The following TRPM3 variants were observed in gnomAD, a reference collection of about 807,000 sequenced individuals.
The protein encoded by TRPM3 is long transient receptor potential channel 3.
A neutral mutation model predicts 181.2 loss-of-function variants in TRPM3; 77 were observed. That is an observed-to-expected ratio of 0.42 (90% CI 0.35 to 0.51). The LOEUF (loss-of-function observed/expected upper bound fraction) is 0.51, where lower values mean the gene tolerates loss of function less well. Ranked by LOEUF, TRPM3 falls within the 20% of genes least tolerant of loss-of-function variation. TRPM3 has a pLI of 0.01. For missense variants in TRPM3, 1,759 were observed against 2,196.7 expected, an observed-to-expected ratio of 0.80 and a Z score of 3.98; for synonymous variants, 745 against 796.4, an observed-to-expected ratio of 0.94 and a Z score of 1.09.
chr9:71,194,285 T>G (rs778293669), intron 1 of TRPM3, among the ~76,000 whole-genome samples: 5 of 151,962 alleles, frequency 3.3e-5, no homozygotes, highest in Non-Finnish European at 5.9e-5. Context: ...AATAGGTATA[T>G]GGCAACCAGG....
At chr9:71,378,123 A>G (rs1006614979) in intron 1 of TRPM3, among the ~76,000 whole-genome samples, 2 of 152,166 alleles carry the variant, frequency 1.3e-5, no homozygotes, top group East Asian at 3.8e-4. Context: ...GTTTAAAAAA[A>G]GACAACCCTA....
In TRPM3 at chr9:70,957,957, C is replaced by T. The variant is rs115556071; in HGVS notation, c.178-93446G>A. The stretch of plus-strand genomic sequence containing the variant: ...TTTGGAACCTACTTCCCTGGACATA[C>T]GCTCTGAGTACAGAAAGAAGAGGCT... On this transcript the variant is annotated intron_variant, in intron 1 of 25. Transcript: ENST00000677713. 5.9e-3 allele frequency among the ~76,000 whole-genome samples: 893 copies of T among 152,298 alleles called. 10 individuals are homozygous for T. Among genetic ancestry groups the T allele is most frequent in the African/African-American group, 0.02 (852 of 41,572 alleles).
rs1297380908 is a variant in TRPM3 at position 71,012,419 on chromosome 9, T to A, written c.177+108759A>T. ...GAGCTTTATAGTTGTTTTTTTTTTT[T>A]AACATCTGGCAGAGTTAACCTTCCC... On this transcript the variant is annotated intron_variant, in intron 1 of 25. Transcript: ENST00000677713. Among the ~76,000 whole-genome samples, 14 of 151,906 alleles carry A rather than the reference T, an allele frequency of 9.2e-5. 1 individual carries two copies. The South Asian group carries it at 1.7e-3, about 18-fold the overall frequency.
intron 22 of TRPM3, among the ~76,000 whole-genome samples, chr9:70,585,359 C>T (rs1371154211): frequency 2.0e-5 from 3 of 152,112 alleles, no homozygotes; most frequent in African/African-American, 4.8e-5. Flanking sequence ...CGCTGGTAAG[C>T]TCACCCATCA....
At chr9:70,979,299 G>A (rs1014005428) in intron 1 of TRPM3, among the ~76,000 whole-genome samples, 4 of 152,098 alleles carry the variant, frequency 2.6e-5, no homozygotes, top group Non-Finnish European at 4.4e-5. Context: ...GATATTTATT[G>A]TTTGCCTATA....
At chr9:70,941,094 T>C (rs2096881584) in intron 1 of TRPM3, among the ~76,000 whole-genome samples, 1 of 152,166 alleles carries the variant, frequency 6.6e-6, no homozygotes, top group Non-Finnish European at 1.5e-5. Context: ...CTCAATTGGA[T>C]TGAAGGATGC....
At chr9:71,130,224 T>C (rs980086332) in intron 1 of TRPM3, among the ~76,000 whole-genome samples, 3 of 152,192 alleles carry the variant, frequency 2.0e-5, no homozygotes, top group African/African-American at 7.2e-5. Context: ...ATATATTATA[T>C]AAGGTTCAAA....
chr9:71,106,457 C>T (rs542448236), intron 1 of TRPM3, among the ~76,000 whole-genome samples: 2 of 152,214 alleles, frequency 1.3e-5, no homozygotes, highest in African/African-American at 2.4e-5. Flanking sequence ...CACTTTCTTG[C>T]TCCCTCTCTT....
intron 8 of TRPM3, chr9:70,761,363 T>C (rs1437490362): frequency 1.5e-6 from 1 of 653,688 alleles, no homozygotes; most frequent in East Asian, 2.7e-5. Flanking sequence ...AGCGTTTGGA[T>C]GAGCTCCAAA....
intron 6 of TRPM3, among the ~76,000 whole-genome samples, chr9:70,791,731 T>TA (rs1377624154): frequency 3.9e-5 from 6 of 152,136 alleles, no homozygotes; most frequent in Admixed American, 6.6e-5. Flanking sequence ...CACACAGTGA[T>TA]AAAAAATTGA....
intron 1 of TRPM3, among the ~76,000 whole-genome samples, chr9:71,351,490 A>G (rs1311322704): frequency 6.6e-6 from 1 of 152,264 alleles, no homozygotes; most frequent in Non-Finnish European, 1.5e-5. Flanking sequence ...ATGATTAGTG[A>G]AAGAATTTGA....
intron 1 of TRPM3, among the ~76,000 whole-genome samples, chr9:70,932,722 G>A (rs777186956): frequency 9.2e-5 from 14 of 152,164 alleles, no homozygotes; most frequent in Non-Finnish European, 1.5e-4. Context: ...CTCTACAGGA[G>A]TAGAAAGCCA....
chr9:70,968,790 G>A (rs1457175166), intron 1 of TRPM3, among the ~76,000 whole-genome samples: 1 of 151,980 alleles, frequency 6.6e-6, no homozygotes, highest in African/African-American at 2.4e-5. Context: ...AAACGGTGTT[G>A]GGAAAACTGG....
At chr9:70,693,813 T>TG (rs1292578505) in intron 8 of TRPM3, among the ~76,000 whole-genome samples, 2 of 152,208 alleles carry the variant, frequency 1.3e-5, no homozygotes, top group Admixed American at 6.5e-5. Context: ...TTATCTAACT[T>TG]GGGTGGGGCA....
rs574106909 is a variant in TRPM3 at position 71,271,547 on chromosome 9, T to C, written c.183+175106A>G. Among the ~76,000 whole-genome samples the C allele has an allele frequency of 3.2e-4, 49 of 151,694 alleles. 1 individual carries two copies. The highest frequency in any genetic ancestry group is 5.6e-4 in the Non-Finnish European group (38 of 67,960). On this transcript the variant is annotated intron_variant, in intron 1 of 24. Coordinates refer to the TRPM3 transcript ENST00000357533. ...GGTGGCTCATCGGCCTCAGATTCTA[T>C]GCAAGATTAAGGAAACATTTCTACC... is the stretch of plus-strand genomic sequence containing the variant.
At chr9:71,430,444 T>C (rs1381524990) in intron 1 of TRPM3, among the ~76,000 whole-genome samples, 3 of 152,218 alleles carry the variant, frequency 2.0e-5, no homozygotes, top group African/African-American at 7.2e-5. Context: ...CAACATGTCC[T>C]AATTAGATTT....
intron 9 of TRPM3, among the ~76,000 whole-genome samples, chr9:70,655,831 A>G (rs2060259366): frequency 6.6e-6 from 1 of 151,974 alleles, no homozygotes; most frequent in Non-Finnish European, 1.5e-5. Flanking sequence ...AATAATTTAA[A>G]AGGTTATCAA....
chr9:70,995,331 T>C (rs1464155012), intron 1 of TRPM3, among the ~76,000 whole-genome samples: 1 of 152,226 alleles, frequency 6.6e-6, no homozygotes, highest in African/African-American at 2.4e-5. Context: ...AAATTTTCTC[T>C]AGTTCAGGGG....
chr9:71,045,587 A>G (rs998188622), intron 1 of TRPM3, among the ~76,000 whole-genome samples: 1 of 152,234 alleles, frequency 6.6e-6, no homozygotes, highest in Non-Finnish European at 1.5e-5. Context: ...TCATTAAAGA[A>G]GCAGCAATGA....
Sources: gnomAD v4.1 joint callset for allele counts (sites outside exome capture counted in the v4.1 genomes callset) on GRCh38, gnomAD v4.1.1 for gene constraint, MANE v1.5 for transcripts, NCBI Gene and HGNC (gene_info 2026-07-23, HGNC 2026-07-21) for gene names.